UBA5: variants seen among roughly 807,000 people sequenced by gnomAD.
The protein encoded by UBA5 is ubiquitin like modifier activating enzyme 5.
UBA5 carries 28 observed loss-of-function variants against 52.9 expected under a neutral mutation model. The ratio of observed to expected loss-of-function variants is 0.53; its 90% CI spans 0.39 to 0.73. The LOEUF is 0.73. Ranked by LOEUF, UBA5 falls within the 30% of genes least tolerant of loss-of-function variation. The pLI, the probability that UBA5 is intolerant of heterozygous loss-of-function variation, is 0.00. For synonymous variants in UBA5, 135 were observed against 162.1 expected, an observed-to-expected ratio of 0.83 and a Z score of 1.27; for missense variants, 388 against 492.7, an observed-to-expected ratio of 0.79 and a Z score of 2.01.
At position 132,660,669 on chromosome 3, in the gene UBA5, C is replaced by T. The variant is rs758836261; in HGVS notation, c.132C>T (p.Ser44=). The change falls in exon 1 of 12, where the codon AGC becomes AGT. Residue 44 remains serine (S), a synonymous_variant. Coordinates refer to ENST00000356232, the MANE Select transcript of UBA5 (RefSeq NM_024818.6). The surrounding 1 kb of genome is among the most constrained non-coding windows in gnomAD (Gnocchi z 4.1). ...GCCGGGTCCGCATCGAGAAGATGAGCTCAGAGGTGGTGGATTCGAATCCCT... is the reference window on the plus strand; with the variant it reads ...GCCGGGTCCGCATCGAGAAGATGAGTTCAGAGGTGGTGGATTCGAATCCCT... ...GGGRVRIEKM[S]SEVVDSNPYS... 8 of 1,575,184 alleles carry T rather than the reference C, an allele frequency of 5.1e-6. No homozygotes were observed. The highest frequency in any genetic ancestry group is 6.9e-6 in the Non-Finnish European group (8 of 1,160,726).
rs778668228 is a variant in UBA5 at position 132,671,047 on chromosome 3, A to T, written c.577A>T (p.Thr193Ser). ...DNFEARMTIN[T>S]ACNELGQTWM... ...TTTTGAAGCTCGAATGACAATAAATACAGTGAGTATTCCTGCTGTGCAAGA... is the reference window on the plus strand; with the variant it reads ...TTTTGAAGCTCGAATGACAATAAATTCAGTGAGTATTCCTGCTGTGCAAGA... The change falls in exon 6 of 12, where the codon ACA becomes TCA. Residue 193 changes from threonine (T) to serine (S), a missense_variant and splice_region_variant. Thr to Ser is a moderately conservative substitution (Grantham distance 58). This residue lies in a region of UBA5 where 277 missense variants were observed against 326.4 expected (regional missense o/e 0.85). Transcript: ENST00000356232. 6.2e-7 allele frequency: 1 copy of T among 1,611,488 alleles called. No homozygotes were observed. Among genetic ancestry groups the T allele is most frequent in the Non-Finnish European group, 8.5e-7 (1 of 1,177,888 alleles).
At position 132,678,196 on chromosome 3, in the gene UBA5, CTTTT is replaced by C. The variant is rs1938915059; in HGVS notation, c.*1674_*1677del. On this transcript the variant is annotated 3_prime_UTR_variant, in exon 12 of 12. Coordinates refer to ENST00000356232, the MANE Select transcript of UBA5 (RefSeq NM_024818.6). ...ACCAAATGTTACCTAATTGACCTAACTTTTTTTGTCTAATATCTTTCATTAAAAA... is the reference window on the plus strand; with the variant it reads ...ACCAAATGTTACCTAATTGACCTAACTTTGTCTAATATCTTTCATTAAAAA... The C allele has an allele frequency of 6.6e-6, 1 of 152,048 alleles. No individual in the cohort carries two copies. Among genetic ancestry groups the C allele is most frequent in the African/African-American group, 2.4e-5 (1 of 41,382 alleles). The allele number at this position is 152,048 out of a possible 1,614,324, so 9.4% of individuals were successfully genotyped here. A position where few individuals can be genotyped will look rare whatever the true frequency, so the allele number is the denominator to read the frequency against.
At chr3:132,663,968 A>G (rs1239026691) in intron 1 of UBA5, among the ~76,000 whole-genome samples, 3 of 152,208 alleles carry the variant, frequency 2.0e-5, no homozygotes, top group Admixed American at 1.3e-4. Context: ...AATAAAGTTG[A>G]AAGAAATCAT....
chr3:132,675,762 G>A, intron 10 of UBA5, 55 bp from the exon 11 acceptor site: 5 of 1,536,214 alleles, frequency 3.3e-6, no homozygotes, highest in Non-Finnish European at 3.6e-6. Context: ...TATACAAATT[G>A]AATAATTATT....
intron 3 of UBA5, chr3:132,667,995 C>A (rs1009810875): frequency 1.3e-5 from 2 of 151,636 alleles, no homozygotes; most frequent in African/African-American, 2.4e-5. Context: ...AATTTTTTTT[C>A]TTTTTAGTTT....
chr3:132,660,644 G>T lies in UBA5; in HGVS notation c.107G>T (p.Gly36Val), dbSNP rs372470618. ...QVPRSGDGGG[G>V]RVRIEKMSSE... ...CCGAGGAGCGGCGACGGAGGGGGCGGCCGGGTCCGCATCGAGAAGATGAGC... is the reference window on the plus strand; with the variant it reads ...CCGAGGAGCGGCGACGGAGGGGGCGTCCGGGTCCGCATCGAGAAGATGAGC... Residue 36 changes from glycine to valine, a missense_variant, in exon 1 of 12, where the codon GGC (glycine) becomes GTC (valine). Around this residue, in one of 3 missense-constraint regions of UBA5, gnomAD observed 95 missense variants for 107.0 expected, o/e 0.89. Transcript: ENST00000356232. This position sits in a 1 kb window ranked among gnomAD's most constrained non-coding sequence, Gnocchi z 4.1. 1 of 1,571,478 alleles carries T rather than the reference G, an allele frequency of 6.4e-7. No homozygotes were observed. The highest frequency in any genetic ancestry group is 1.2e-5 in the South Asian group (1 of 85,362).
upstream of UBA5, chr3:132,659,447 G>A: frequency 2.9e-6 from 3 of 1,034,128 alleles, no homozygotes; most frequent in Non-Finnish European, 4.1e-6. Context: ...CGAATTCGGA[G>A]GGCCGGCAAT....
At chr3:132,655,218 C>T (rs1937719183) in intron 1 of UBA5, among the ~76,000 whole-genome samples, 1 of 152,230 alleles carries the variant, frequency 6.6e-6, no homozygotes, top group Non-Finnish European at 1.5e-5. Context: ...TGATATCTCC[C>T]TGCTGGAACA....
rs1269226607 is a variant in UBA5 at position 132,660,914 on chromosome 3, G to A, written c.161+216G>A. ...AAACCTCCAGTGAGTCAGCCATATG[G>A]TGCTGCTCCTGTGCCTGCTGAGGAC... On this transcript the variant is annotated intron_variant, in intron 1 of 11. Coordinates refer to ENST00000356232, the MANE Select transcript of UBA5 (RefSeq NM_024818.6). This position sits in a 1 kb window ranked among gnomAD's most constrained non-coding sequence, Gnocchi z 4.1. 6.7e-7 allele frequency: 1 copy of A among 1,483,824 alleles called. No homozygotes were observed. 91.9% of individuals were successfully genotyped at this position (1,483,824 alleles called of 1,614,324 possible).
Position 132,660,501 on chromosome 3 carries a change from G to T in UBA5, c.-37G>T. The stretch of plus-strand genomic sequence containing the variant: ...ACGTGGGGCGAAGGCGGCGGCGAAG[G>T]CCCGGGCTGGGAGCGTTGGCGGCCG... On this transcript the variant is annotated 5_prime_UTR_variant, in exon 1 of 12. Transcript: ENST00000356232. The surrounding 1 kb of genome is among the most constrained non-coding windows in gnomAD (Gnocchi z 4.1). 2 of 1,544,628 alleles carry T rather than the reference G, an allele frequency of 1.3e-6. No individual in the cohort carries two copies. The highest frequency in any genetic ancestry group is 1.7e-6 in the Non-Finnish European group (2 of 1,146,004).
chr3:132,675,489 A>G, intron 9 of UBA5, 106 bp downstream of exon 9: 1 of 1,519,266 alleles, frequency 6.6e-7, no homozygotes, highest in Middle Eastern at 2.2e-4. Context: ...CCATACTTCA[A>G]AAATGAATGT....
upstream of UBA5, among the ~76,000 whole-genome samples, chr3:132,656,495 ATT>A (rs34116314): frequency 6.9e-6 from 1 of 145,808 alleles, no homozygotes; most frequent in Non-Finnish European, 1.5e-5. Context: ...ATATTGTCAG[ATT>A]TTTTTTTTTT....
At chr3:132,663,878 G>A (rs78910211) in intron 1 of UBA5, among the ~76,000 whole-genome samples, 2 of 152,100 alleles carry the variant, frequency 1.3e-5, no homozygotes, top group Non-Finnish European at 2.9e-5. Context: ...CAGGAACAAG[G>A]TGCAAAGTAT....
chr3:132,666,549 C>T (rs1000795121), intron 3 of UBA5, among the ~76,000 whole-genome samples: 1 of 152,086 alleles, frequency 6.6e-6, no homozygotes, highest in Admixed American at 6.6e-5. Context: ...AAAGAAGTAA[C>T]TTTCTTGTAC....
rs545796413 is a variant in UBA5 at position 132,661,774 on chromosome 3, G to T, written c.161+1076G>T. Among the ~76,000 whole-genome samples, 40 of 152,306 alleles carry T rather than the reference G, an allele frequency of 2.6e-4. 1 individual carries two copies. The South Asian group carries it at 8.3e-3, about 32-fold the overall frequency. ...GTATAGTGTTAAAGTAGATAAGGAA[G>T]ATTTTATTGTTGCTTTTTTCCTTTA... On this transcript the variant is annotated intron_variant, in intron 1 of 11. Transcript: ENST00000356232.
rs1938831460 is a variant in UBA5 at position 132,676,191 on chromosome 3, G to T, written c.1132-252G>T. ...ATGAAGATCTCATTTTTGTTTATCG[G>T]TAGTTTTAGCTACGATGTCGTTTAA... On this transcript the variant is annotated intron_variant, in intron 11 of 11. Transcript: ENST00000356232. The surrounding 1 kb of genome is among the most constrained non-coding windows in gnomAD (Gnocchi z 4.1). Among the ~76,000 whole-genome samples, 1 of 152,008 alleles carries T rather than the reference G, an allele frequency of 6.6e-6. No individual in the cohort carries two copies.
chr3:132,676,618 TTAA>T lies in UBA5; in HGVS notation c.*94_*96del, dbSNP rs1401937955. 5.9e-6 allele frequency: 5 copies of T among 843,636 alleles called. No individual in the cohort carries two copies. The African/African-American group carries it at 8.7e-5, about 15-fold the overall frequency. 52.3% of individuals were successfully genotyped at this position (843,636 alleles called of 1,614,324 possible). ...TTAACTGATAAAACTTAGGGCAACA[TTAA>T]TTAATGTATATTCTTACCTGAATTG... On this transcript the variant is annotated 3_prime_UTR_variant, in exon 12 of 12. Transcript: ENST00000356232. This position sits in a 1 kb window ranked among gnomAD's most constrained non-coding sequence, Gnocchi z 4.1.
chr3:132,666,867 A>C lies in UBA5; in HGVS notation c.297+794A>C, dbSNP rs192276614. 5.8e-3 allele frequency among the ~76,000 whole-genome samples: 887 copies of C among 152,296 alleles called. 8 individuals carry two copies. The highest frequency in any genetic ancestry group is 0.02 in the African/African-American group (835 of 41,566). ...TACAAAACCTGGACAAAAATTGCTT[A>C]TAGCTGACTTAAGCACCCTGACTGC... On this transcript the variant is annotated intron_variant, in intron 3 of 11. Transcript: ENST00000356232.
At chr3:132,672,476 A>G (rs1395298405) in intron 8 of UBA5, among the ~76,000 whole-genome samples, 5 of 152,156 alleles carry the variant, frequency 3.3e-5, no homozygotes, top group Non-Finnish European at 7.4e-5. Flanking sequence ...CTTTTATTAA[A>G]TGATACAATG....
Sources: gnomAD v4.1 joint callset for allele counts (sites outside exome capture counted in the v4.1 genomes callset) on GRCh38, gnomAD v4.1.1 for gene constraint, gnomAD v4.1.1 regional missense constraint, Gnocchi (gnomAD v3.1) non-coding constraint, MANE v1.5 for transcripts, NCBI Gene and HGNC (gene_info 2026-07-23, HGNC 2026-07-21) for gene names.